ATP1A2: variants seen among roughly 807,000 people sequenced by gnomAD.
ATP1A2 encodes the protein sodium/potassium-transporting ATPase subunit alpha-2.
A neutral mutation model predicts 113.1 loss-of-function variants in ATP1A2; 56 were observed. That is an observed-to-expected ratio of 0.49 (90% CI 0.40 to 0.62). The LOEUF (loss-of-function observed/expected upper bound fraction) is 0.62. ATP1A2 is among the 20% of genes least tolerant of loss of function. The pLI, the probability that ATP1A2 is intolerant of heterozygous loss-of-function variation, is 0.00. For synonymous variants in ATP1A2, 490 were observed against 526.8 expected (o/e 0.93, Z 0.96); for missense variants, 712 against 1,357.8 (o/e 0.52, Z 7.47).
chr1:160,120,117 C>A (rs57598345), intron 1 of ATP1A2, among the ~76,000 whole-genome samples: 13,999 of 152,140 alleles, frequency 0.092, 795 homozygotes, highest in Middle Eastern at 0.14. Context: ...CTCTCAGATA[C>A]AATTTCTTAT....
chr1:160,123,502 A>G, intron 4 of ATP1A2, 86 bp downstream of exon 4: 1 of 1,544,854 alleles, frequency 6.5e-7, no homozygotes, highest in Non-Finnish European at 8.9e-7. Context: ...GGCAGGGAAC[A>G]AGGCCCTCAC....
rs781187515 is a variant in ATP1A2 at position 160,124,258 on chromosome 1, A to G, written c.496-38A>G. Reference sequence around the variant, plus strand: ...CAGCAGGAGAAGAAGGCAGGGGCAGAGACAAGCATTTCATGAGCTGCCTGT... The same window carrying G: ...CAGCAGGAGAAGAAGGCAGGGGCAGGGACAAGCATTTCATGAGCTGCCTGT... On this transcript the variant is annotated intron_variant, in intron 5 of 22. Transcript: ENST00000361216. 7.0e-6 allele frequency: 11 copies of G among 1,571,702 alleles called. 1 individual carries two copies. The South Asian group carries it at 1.3e-4, about 18-fold the overall frequency.
intron 13 of ATP1A2, among the ~76,000 whole-genome samples, chr1:160,132,579 C>G (rs1287009946): frequency 6.6e-6 from 1 of 152,038 alleles, no homozygotes; most frequent in Non-Finnish European, 1.5e-5. Flanking sequence ...GAGGAAGATA[C>G]AGGAGAGAAG....
intron 13 of ATP1A2, 144 bp from the exon 14 acceptor site, chr1:160,134,340 C>A: frequency 8.6e-7 from 1 of 1,159,770 alleles, no homozygotes; most frequent in Non-Finnish European, 1.2e-6. Context: ...TGCCCACAGA[C>A]GCACACACAC....
chr1:160,130,274 T>C lies in ATP1A2; in HGVS notation c.1634T>C (p.Leu545Pro). The part of the protein sequence containing the change: ...FQNAYMELGG[L>P]GERVLGFCQL... ...AATGCCTACATGGAGCTGGGGGGAC[T>C]TGGGGAGCGTGTGCTGGGTGAGAGG... The change falls in exon 12 of 23, where the codon CTT becomes CCT. Residue 545 changes from leucine (L) to proline (P), a missense_variant. Leu to Pro is a moderately conservative substitution (Grantham distance 98, BLOSUM62 -3). Transcript: ENST00000361216. 1.2e-6 allele frequency: 2 copies of C among 1,614,162 alleles called. No homozygotes were observed. Among genetic ancestry groups the C allele is most frequent in the South Asian group, 1.1e-5 (1 of 91,086 alleles).
intron 7 of ATP1A2, among the ~76,000 whole-genome samples, chr1:160,126,614 G>A (rs968324854): frequency 9.2e-5 from 14 of 151,886 alleles, no homozygotes; most frequent in Admixed American, 5.9e-4. Context: ...GACTACAGGC[G>A]CGTGATACCA....
rs1651502435 is a variant in ATP1A2, at chr1:160,123,959, T to C, written c.398T>C (p.Val133Ala). Reference protein sequence around the residue: ...PSNDNLYLGVVLAAVVIVTGC... With the variant: ...PSNDNLYLGVALAAVVIVTGC... The stretch of plus-strand genomic sequence containing the variant: ...CCTTACCAGCTATATCTGGGTGTGG[T>C]GCTGGCAGCTGTGGTCATTGTCACT... The change falls in exon 5 of 23, where the codon GTG (valine) becomes GCG (alanine). Residue 133 changes from valine (V) to alanine (A), a missense_variant. This residue lies in a region of ATP1A2 where 9 missense variants were observed against 42.6 expected (regional missense o/e 0.21). Coordinates refer to ENST00000361216, the MANE Select transcript of ATP1A2 (RefSeq NM_000702.4). The C allele has an allele frequency of 6.2e-7, 1 of 1,614,136 alleles. No homozygotes were observed. Among genetic ancestry groups the C allele is most frequent in the Non-Finnish European group, 8.5e-7 (1 of 1,180,010 alleles).
intron 1 of ATP1A2, among the ~76,000 whole-genome samples, chr1:160,118,421 CT>C (rs1651259008): frequency 6.6e-6 from 1 of 152,102 alleles, no homozygotes; most frequent in Admixed American, 6.5e-5. Context: ...GCATTTCTTC[CT>C]TTTCTCAGCT....
In ATP1A2 at chr1:160,130,254, C is replaced by G. The variant is rs1369493244; in HGVS notation, c.1614C>G (p.Ala538=). 1 of 1,614,106 alleles carries G rather than the reference C, an allele frequency of 6.2e-7. No individual in the cohort carries two copies. Among genetic ancestry groups the G allele is most frequent in the African/African-American group, 1.3e-5 (1 of 74,934 alleles). The change falls in exon 12 of 23, where the codon GCC becomes GCG. Residue 538 remains alanine, a synonymous_variant. Transcript: ENST00000361216. ...AGATGCAAGATGCCTTTCAAAATGC[C>G]TACATGGAGCTGGGGGGACTTGGGG... is the stretch of plus-strand genomic sequence containing the variant. The part of the protein sequence containing the change: ...DKEMQDAFQN[A]YMELGGLGER...
chr1:160,120,363 C>T (rs1017445641), intron 1 of ATP1A2, among the ~76,000 whole-genome samples: 1 of 152,126 alleles, frequency 6.6e-6, no homozygotes, highest in Non-Finnish European at 1.5e-5. Flanking sequence ...AGACCTGGCT[C>T]TCCTCTGGAC....
intron 22 of ATP1A2, 64 bp downstream of exon 22, chr1:160,140,048 C>T (rs1470235128): frequency 6.7e-7 from 1 of 1,495,870 alleles, no homozygotes. Context: ...CCCTCCAGGA[C>T]CACACGCAGA....
intron 1 of ATP1A2, among the ~76,000 whole-genome samples, chr1:160,120,417 C>T (rs1215140461): frequency 6.6e-6 from 1 of 152,088 alleles, no homozygotes; most frequent in Non-Finnish European, 1.5e-5. Flanking sequence ...CTCTTGCTCC[C>T]CCAAGTTCCT....
intron 8 of ATP1A2, chr1:160,128,330 C>G (rs1461175447): frequency 5.0e-6 from 3 of 595,160 alleles, no homozygotes; most frequent in African/African-American, 1.8e-5. Flanking sequence ...TTCCTACACC[C>G]TGAGCAAGAG....
chr1:160,139,310 T>C (rs1652058113), intron 20 of ATP1A2, among the ~76,000 whole-genome samples: 1 of 152,172 alleles, frequency 6.6e-6, no homozygotes, highest in Non-Finnish European at 1.5e-5. Flanking sequence ...TCATGGGCCC[T>C]GTGCCTGGAG....
At chr1:160,130,631 C>CT (rs1205540981) in intron 13 of ATP1A2, 34 bp downstream of exon 13, 1 of 1,613,612 alleles carries the variant, frequency 6.2e-7, no homozygotes, top group East Asian at 2.2e-5. Flanking sequence ...CCATTCTAGC[C>CT]TCCCCCATGC....
Position 160,129,250 on chromosome 1 carries a change from T to C in ATP1A2, c.1327-16T>C, listed in dbSNP as rs1651691740. On this transcript the variant is annotated splice_polypyrimidine_tract_variant and intron_variant, in intron 10 of 22. Coordinates refer to ENST00000361216, the MANE Select transcript of ATP1A2 (RefSeq NM_000702.4). ...TCCCTCCCATGCTGACACTGAATTCTTGTCTCTTCTGGCAGCGGGACACAG... is the reference window on the plus strand; with the variant it reads ...TCCCTCCCATGCTGACACTGAATTCCTGTCTCTTCTGGCAGCGGGACACAG... The C allele has an allele frequency of 6.2e-7, 1 of 1,614,078 alleles. No individual in the cohort carries two copies. The highest frequency in any genetic ancestry group is 1.3e-5 in the African/African-American group (1 of 74,930).
At position 160,127,010 on chromosome 1, in the gene ATP1A2, G is replaced by A. The variant is rs188010015; in HGVS notation, c.749-542G>A. Among the ~76,000 whole-genome samples, 3 of 152,046 alleles carry A rather than the reference G, an allele frequency of 2.0e-5. No individual in the cohort carries two copies. The East Asian group carries it at 5.8e-4, about 29-fold the overall frequency. Reference sequence around the variant, plus strand: ...AGCACCGAGATAGGAATTCAAATAAGGATTCAAACCCAAATTTGGCTGGCT... The same window carrying A: ...AGCACCGAGATAGGAATTCAAATAAAGATTCAAACCCAAATTTGGCTGGCT... On this transcript the variant is annotated intron_variant, in intron 7 of 22. Transcript: ENST00000361216.
At chr1:160,123,876 C>A in intron 4 of ATP1A2, 67 bp from the exon 5 acceptor site, 1 of 1,421,826 alleles carries the variant, frequency 7.0e-7, no homozygotes, top group Non-Finnish European at 9.9e-7. Flanking sequence ...CTGCTCATCC[C>A]AAGTGGCAGC....
At position 160,135,387 on chromosome 1, in the gene ATP1A2, G is replaced by C. The variant is rs777526773; in HGVS notation, c.2116-47G>C. On this transcript the variant is annotated intron_variant, in intron 15 of 22. Coordinates refer to ENST00000361216, the MANE Select transcript of ATP1A2 (RefSeq NM_000702.4). The surrounding 1 kb of genome is among the most constrained non-coding windows in gnomAD (Gnocchi z 6.3). ...GCATGGAGTGAGAGGCGAGGAGCCA[G>C]GCTTGGGAAGGGGTTTCGTCCTCAA... 1 of 1,614,208 alleles carries C rather than the reference G, an allele frequency of 6.2e-7. No individual in the cohort carries two copies. Among genetic ancestry groups the C allele is most frequent in the Non-Finnish European group, 8.5e-7 (1 of 1,180,036 alleles).
Sources: gnomAD v4.1 joint callset for allele counts (sites outside exome capture counted in the v4.1 genomes callset) on GRCh38, gnomAD v4.1.1 for gene constraint, gnomAD v4.1.1 regional missense constraint, Gnocchi (gnomAD v3.1) non-coding constraint, MANE v1.5 for transcripts, NCBI Gene and HGNC (gene_info 2026-07-23, HGNC 2026-07-21) for gene names.